The following ITPA variants were observed in gnomAD, a reference collection of about 807,000 sequenced individuals.
ITPA encodes the protein inosine triphosphatase.
Under a neutral mutation model 29.6 loss-of-function variants are expected in ITPA, and 29 were observed. The ratio of observed to expected loss-of-function variants is 0.98; its 90% CI spans 0.73 to 1.34. The LOEUF is 1.34. ITPA is among the 40% of genes most tolerant of loss of function. The probability of loss-of-function intolerance (pLI) is 0.00; values close to 1 mark genes in which losing one functional copy is unlikely to be tolerated. For missense variants in ITPA, 241 were observed against 251.5 expected (o/e 0.96, Z 0.28); for synonymous variants, 103 against 99.3 (o/e 1.04, Z -0.22).
At chr20:3,205,987 C>T (rs1271303937), upstream of ITPA, among the ~76,000 whole-genome samples, 4 of 144,058 alleles carry the variant, frequency 2.8e-5, no homozygotes, top group South Asian at 2.2e-4. Context: ...ACCCAGGGGG[C>T]GGACGTTGCA....
upstream of ITPA, chr20:3,204,388 C>T (rs981386257): frequency 6.2e-5 from 47 of 760,368 alleles, no homozygotes; most frequent in Non-Finnish European, 9.4e-5. Flanking sequence ...ACTGCGGAAG[C>T]CCCACCCGGC....
upstream of ITPA, among the ~76,000 whole-genome samples, chr20:3,204,941 C>G (rs2067060493): frequency 6.6e-6 from 1 of 151,962 alleles, no homozygotes; most frequent in Admixed American, 6.6e-5. Flanking sequence ...ACCTCCACCT[C>G]CCAGGTTCAA....
At chr20:3,218,388 G>A (rs999297126) in intron 5 of ITPA, 129 bp from the exon 6 acceptor site, 40 of 731,930 alleles carry the variant, frequency 5.5e-5, no homozygotes, top group Non-Finnish European at 9.4e-5. Context: ...TGCCGCCCCC[G>A]CTACCCCAAT....
At chr20:3,204,248 T>A (rs998415052), upstream of ITPA, among the ~76,000 whole-genome samples, 1 of 151,594 alleles carries the variant, frequency 6.6e-6, no homozygotes, top group Non-Finnish European at 1.5e-5. Context: ...CGGATGGGAG[T>A]GTGCGCCGGC....
At chr20:3,218,042 C>T (rs528623847) in intron 5 of ITPA, among the ~76,000 whole-genome samples, 13 of 152,046 alleles carry the variant, frequency 8.6e-5, no homozygotes, top group Admixed American at 2.6e-4. Flanking sequence ...CTCAGCCTCC[C>T]GAGCAGCTGG....
chr20:3,220,516 A>G (rs988122534), intron 6 of ITPA, among the ~76,000 whole-genome samples: 4 of 151,960 alleles, frequency 2.6e-5, no homozygotes, highest in Admixed American at 2.6e-4. Flanking sequence ...ACTAATCCCA[A>G]TCATGTACCA....
chr20:3,225,554 G>A (rs547669250), downstream of ITPA, among the ~76,000 whole-genome samples: 13 of 152,246 alleles, frequency 8.5e-5, no homozygotes, highest in African/African-American at 1.9e-4. Context: ...GTGACACCCC[G>A]GGGAGGGCAC....
At chr20:3,211,739 C>T (rs66883767) in intron 1 of ITPA, among the ~76,000 whole-genome samples, 13,734 of 152,162 alleles carry the variant, frequency 0.09, 734 homozygotes, top group East Asian at 0.18. Context: ...GTGATCCGCC[C>T]GCCAGGGCCT....
rs2067229548 is a variant in ITPA, at chr20:3,213,927, A to G, written c.190-58A>G. The G allele has an allele frequency of 1.3e-5, 21 of 1,578,852 alleles. No individual in the cohort carries two copies. In the South Asian group the frequency reaches 2.2e-4, roughly 17 times the overall value. ...AGCCTGGGTGACGCGGGTGACCTGG[A>G]CGTTCCAGGTGGGGATGGTGATCAT... On this transcript the variant is annotated intron_variant, in intron 3 of 7. Coordinates refer to ENST00000380113, the MANE Select transcript of ITPA (RefSeq NM_033453.4).
chr20:3,214,398 CTG>C (rs373350347), intron 4 of ITPA, among the ~76,000 whole-genome samples: 6 of 130,362 alleles, frequency 4.6e-5, no homozygotes, highest in African/African-American at 1.1e-4. Flanking sequence ...CAGTCTCTCT[CTG>C]TTACCCAGAC....
At chr20:3,207,241 C>A (rs1203779219), upstream of ITPA, among the ~76,000 whole-genome samples, 1 of 152,122 alleles carries the variant, frequency 6.6e-6, no homozygotes, top group Non-Finnish European at 1.5e-5. Flanking sequence ...AGGTGTGTGC[C>A]CCCAAGCCCA....
At chr20:3,217,613 T>C (rs1432742191) in intron 5 of ITPA, among the ~76,000 whole-genome samples, 1 of 151,626 alleles carries the variant, frequency 6.6e-6, no homozygotes, top group African/African-American at 2.4e-5. Context: ...GGACTACAGG[T>C]GTAAGCCACC....
intron 5 of ITPA, among the ~76,000 whole-genome samples, chr20:3,217,280 T>C (rs1320320805): frequency 6.6e-6 from 1 of 152,168 alleles, no homozygotes; most frequent in East Asian, 1.9e-4. Context: ...CAGTTATTAT[T>C]TGTCAATTAA....
At chr20:3,210,385 A>G (rs1476027710) in intron 1 of ITPA, among the ~76,000 whole-genome samples, 1 of 152,180 alleles carries the variant, frequency 6.6e-6, no homozygotes, top group Non-Finnish European at 1.5e-5. Flanking sequence ...GGATGGAACA[A>G]TGAGGCTTCT....
chr20:3,225,493 C>T (rs565158583), downstream of ITPA, among the ~76,000 whole-genome samples: 7 of 152,216 alleles, frequency 4.6e-5, no homozygotes, highest in South Asian at 8.3e-4. Flanking sequence ...ACCCAAAAGG[C>T]CAGGGTTTGG....
Position 3,210,026 on chromosome 20 carries a change from C to T in ITPA, c.66+409C>T, listed in dbSNP as rs2067136982. Among the ~76,000 whole-genome samples, 3 of 152,168 alleles carry T rather than the reference C, an allele frequency of 2.0e-5. No individual in the cohort carries two copies. In the South Asian group the frequency reaches 6.2e-4, roughly 31 times the overall value. On this transcript the variant is annotated intron_variant, in intron 1 of 7. Transcript: ENST00000380113. The stretch of plus-strand genomic sequence containing the variant: ...AGCAGGACCCAGAGAGGGCGTGGGA[C>T]GGAGTTCCACACTGAGCAGTCCGTG...
At chr20:3,204,647 A>T (rs2067058413), upstream of ITPA, 10 of 1,564,662 alleles carry the variant, frequency 6.4e-6, no homozygotes, top group Non-Finnish European at 8.6e-6. Flanking sequence ...CTCAGTGCAG[A>T]ACCACTGCGT....
At chr20:3,204,642 T>C (rs1329465662), upstream of ITPA, 17 of 1,569,954 alleles carry the variant, frequency 1.1e-5, no homozygotes, top group Non-Finnish European at 1.4e-5. Context: ...AGGGCCTCAG[T>C]GCAGAACCAC....
At position 3,218,605 on chromosome 20, in the gene ITPA, C is replaced by A. The variant is rs968927577; in HGVS notation, c.384C>A (p.Pro128=). The A allele has an allele frequency of 1.2e-6, 2 of 1,613,714 alleles. No homozygotes were observed. The highest frequency in any genetic ancestry group is 1.7e-6 in the Non-Finnish European group (2 of 1,179,874). Residue 128 remains proline (P), a synonymous_variant, in exon 6 of 8, where the codon CCC becomes CCA. Transcript: ENST00000380113. ...TCAGCACCGGGGACCCAAGCCAGCC[C>A]GTGCGCCTGTTCAGGGGCCGGACCT... The part of the protein sequence containing the change: ...FALSTGDPSQ[P]VRLFRGRTSG...
Sources: allele counts gnomAD v4.1 joint callset (sites outside exome capture counted in the v4.1 genomes callset), GRCh38; gene constraint gnomAD v4.1.1; transcripts MANE v1.5; gene names NCBI Gene and HGNC (gene_info 2026-07-23, HGNC 2026-07-21).